The following CNTN6 variants were observed in gnomAD, a reference collection of about 807,000 sequenced individuals.
CNTN6 encodes the protein contactin-6.
CNTN6 carries 137 observed loss-of-function variants against 122.8 expected under a neutral mutation model. That is an observed-to-expected ratio of 1.12 (90% CI 0.97 to 1.29). The LOEUF is 1.29. Among genes scored for constraint, CNTN6 ranks in the 50% most tolerant of loss-of-function variants. The pLI is 0.00. For missense variants in CNTN6, 1,634 were observed against 1,223.4 expected, an observed-to-expected ratio of 1.34 and a Z score of -5.01; for synonymous variants, 570 against 426.0, an observed-to-expected ratio of 1.34 and a Z score of -4.16.
At chr3:1,166,755 C>A (rs147757122) in intron 2 of CNTN6, among the ~76,000 whole-genome samples, 129 of 152,150 alleles carry the variant, frequency 8.5e-4, no homozygotes, top group African/African-American at 3.0e-3. Context: ...AAGCTGGAAG[C>A]CATCATTCTT....
intron 2 of CNTN6, among the ~76,000 whole-genome samples, chr3:1,165,311 T>C (rs904559997): frequency 6.6e-6 from 1 of 152,146 alleles, no homozygotes; most frequent in Non-Finnish European, 1.5e-5. Flanking sequence ...TTTTCTCCTA[T>C]TATCAGCCCC....
chr3:1,244,366 G>T (rs925399460), intron 4 of CNTN6, among the ~76,000 whole-genome samples: 3 of 150,906 alleles, frequency 2.0e-5, no homozygotes, highest in African/African-American at 7.3e-5. Flanking sequence ...TGAAGGAGAA[G>T]GGGTTGAGGG....
At chr3:1,255,719 C>T (rs527262002) in intron 4 of CNTN6, among the ~76,000 whole-genome samples, 18 of 152,152 alleles carry the variant, frequency 1.2e-4, no homozygotes, top group Admixed American at 4.6e-4. Flanking sequence ...TATTGCCCAG[C>T]TTGAGTGCAG....
At chr3:1,161,531 G>A (rs2093132259) in intron 2 of CNTN6, among the ~76,000 whole-genome samples, 2 of 151,496 alleles carry the variant, frequency 1.3e-5, no homozygotes, top group South Asian at 2.1e-4. Context: ...ATAAACATGT[G>A]TATATACATA....
chr3:1,338,421 C>A (rs1703404386), intron 11 of CNTN6, among the ~76,000 whole-genome samples: 1 of 152,118 alleles, frequency 6.6e-6, no homozygotes, highest in South Asian at 2.1e-4. Flanking sequence ...CTCCCTCTGC[C>A]TTCAAGAGAG....
intron 4 of CNTN6, among the ~76,000 whole-genome samples, chr3:1,267,591 T>A (rs956202132): frequency 6.6e-6 from 1 of 152,156 alleles, no homozygotes; most frequent in African/African-American, 2.4e-5. Flanking sequence ...ACACTTGATA[T>A]TGGAGAAAAA....
At chr3:1,182,356 C>A (rs2093567134) in intron 2 of CNTN6, among the ~76,000 whole-genome samples, 1 of 152,072 alleles carries the variant, frequency 6.6e-6, no homozygotes, top group Non-Finnish European at 1.5e-5. Flanking sequence ...TCCACAGAGC[C>A]CTAGAAAGTA....
At chr3:1,135,335 A>G (rs1022097398) in intron 1 of CNTN6, among the ~76,000 whole-genome samples, 22 of 152,172 alleles carry the variant, frequency 1.4e-4, no homozygotes, top group Non-Finnish European at 2.5e-4. Flanking sequence ...AAGATTGACA[A>G]TGGGAGCACA....
chr3:1,118,719 C>A (rs186214479), intron 1 of CNTN6, among the ~76,000 whole-genome samples: 42 of 152,218 alleles, frequency 2.8e-4, no homozygotes, highest in African/African-American at 9.4e-4. Flanking sequence ...TCATGTCTCT[C>A]TAATTCATAA....
chr3:1,353,792 G>T (rs1706072547), intron 12 of CNTN6, among the ~76,000 whole-genome samples: 1 of 151,524 alleles, frequency 6.6e-6, no homozygotes. Context: ...ATTAAAATGT[G>T]GTGAAGGATA....
At chr3:1,114,018 A>G (rs1030370620) in intron 1 of CNTN6, among the ~76,000 whole-genome samples, 2 of 152,180 alleles carry the variant, frequency 1.3e-5, no homozygotes, top group Non-Finnish European at 2.9e-5. Flanking sequence ...CTACTGTGAT[A>G]GCACAAGTAT....
At chr3:1,227,267 A>G (rs1459844017) in intron 3 of CNTN6, among the ~76,000 whole-genome samples, 5 of 152,196 alleles carry the variant, frequency 3.3e-5, no homozygotes, top group Admixed American at 1.3e-4. Context: ...TCTAAGTACC[A>G]TTGAAATATT....
At chr3:1,324,058 A>C (rs576497045) in intron 8 of CNTN6, among the ~76,000 whole-genome samples, 1 of 149,856 alleles carries the variant, frequency 6.7e-6, no homozygotes, top group East Asian at 2.0e-4. Context: ...TAATTTTGTT[A>C]ATAATACCCA....
rs143247261 is a variant in CNTN6 at position 1,097,143 on chromosome 3, G to A, written c.-83+4023G>A. ...ATTAAACATTTATTACGGTAAAGGCGTAACACAGGACATAGTAGAGGAAAA... is the reference window on the plus strand; with the variant it reads ...ATTAAACATTTATTACGGTAAAGGCATAACACAGGACATAGTAGAGGAAAA... On this transcript the variant is annotated intron_variant, in intron 1 of 22. Transcript: ENST00000446702. Among the ~76,000 whole-genome samples the A allele has an allele frequency of 3.9e-4, 60 of 152,274 alleles. No individual in the cohort carries two copies. In the East Asian group the frequency reaches 7.1e-3, roughly 18 times the overall value.
intron 2 of CNTN6, among the ~76,000 whole-genome samples, chr3:1,193,913 C>T (rs1559489071): frequency 6.6e-6 from 1 of 152,070 alleles, no homozygotes; most frequent in Non-Finnish European, 1.5e-5. Context: ...AACTGCCATC[C>T]AAAACAAGAT....
chr3:1,143,502 A>G (rs529556056), intron 1 of CNTN6, among the ~76,000 whole-genome samples: 2 of 152,278 alleles, frequency 1.3e-5, no homozygotes, highest in Non-Finnish European at 2.9e-5. Flanking sequence ...GTAGGATTCT[A>G]GGAACCTAGA....
intron 4 of CNTN6, among the ~76,000 whole-genome samples, chr3:1,258,412 A>G (rs1004264879): frequency 1.3e-5 from 2 of 152,120 alleles, no homozygotes; most frequent in Non-Finnish European, 2.9e-5. Context: ...ATAAAATAAG[A>G]TTTCATTGAA....
chr3:1,100,633 T>G (rs770674096), intron 1 of CNTN6, among the ~76,000 whole-genome samples: 41 of 152,290 alleles, frequency 2.7e-4, no homozygotes, highest in Non-Finnish European at 2.9e-5. Context: ...ATTCATTATT[T>G]CTAGGCTTCT....
chr3:1,102,101 C>G (rs1009680814), intron 1 of CNTN6, among the ~76,000 whole-genome samples: 1 of 152,138 alleles, frequency 6.6e-6, no homozygotes, highest in Non-Finnish European at 1.5e-5. Flanking sequence ...ATTTATCATT[C>G]ATGCATGTAA....
Sources: gnomAD v4.1 joint callset for allele counts (sites outside exome capture counted in the v4.1 genomes callset) on GRCh38, gnomAD v4.1.1 for gene constraint, MANE v1.5 for transcripts, NCBI Gene and HGNC (gene_info 2026-07-23, HGNC 2026-07-21) for gene names.